Variants in PHKB observed in about 807,000 individuals in gnomAD.
PHKB encodes the protein phosphorylase b kinase regulatory subunit beta.
A neutral mutation model predicts 152.1 loss-of-function variants in PHKB; 122 were observed. The observed-to-expected ratio is 0.80, with a 90% CI of 0.69 to 0.93. PHKB has a LOEUF of 0.93. Among genes scored for constraint, PHKB ranks in the 40% least tolerant of loss-of-function variants. PHKB has a pLI of 0.00. For synonymous variants in PHKB, 436 were observed against 464.9 expected (o/e 0.94, Z 0.80); for missense variants, 1,304 against 1,328.4 (o/e 0.98, Z 0.29).
At chr16:47,581,433 G>T (rs1276939954) in intron 8 of PHKB, among the ~76,000 whole-genome samples, 1 of 152,092 alleles carries the variant, frequency 6.6e-6, no homozygotes, top group African/African-American at 2.4e-5. Flanking sequence ...AGGAGTAGGA[G>T]GATAAAATGA....
At chr16:47,675,257 T>G (rs1415002479) in intron 26 of PHKB, among the ~76,000 whole-genome samples, 1 of 152,134 alleles carries the variant, frequency 6.6e-6, no homozygotes, top group African/African-American at 2.4e-5. Flanking sequence ...GTTACCCTGG[T>G]CAGTAACAGC....
intron 4 of PHKB, chr16:47,505,366 A>T (rs985193286): frequency 6.6e-6 from 1 of 151,960 alleles, no homozygotes; most frequent in Admixed American, 6.6e-5. Flanking sequence ...ATACAGGAGG[A>T]GGGCGGCCAC....
At chr16:47,476,192 G>A (rs998850313) in intron 1 of PHKB, among the ~76,000 whole-genome samples, 10 of 152,146 alleles carry the variant, frequency 6.6e-5, no homozygotes, top group Non-Finnish European at 1.5e-4. Flanking sequence ...ACTTTCATTT[G>A]TGTTAAGCAG....
Position 47,565,596 on chromosome 16 carries a change from C to T in PHKB, c.711-14699C>T. 2.8e-6 allele frequency: 3 copies of T among 1,060,314 alleles called. No individual in the cohort carries two copies. In the South Asian group the frequency reaches 3.8e-5, roughly 13 times the overall value. The allele number at this position is 1,060,314 out of a possible 1,614,324, so 65.7% of individuals were successfully genotyped here. On this transcript the variant is annotated intron_variant, in intron 7 of 30. Transcript: ENST00000323584. ...CATTTTCTAAAGACTTCTCACTCTC[C>T]CTCGTGCATTTCTGCCGGATGTGGC... is the stretch of plus-strand genomic sequence containing the variant.
Position 47,461,416 on chromosome 16 carries a change from C to T in PHKB, c.66C>T (p.Thr22=), listed in dbSNP as rs758538245. The T allele has an allele frequency of 6.2e-7, 1 of 1,613,302 alleles. No individual in the cohort carries two copies. Among genetic ancestry groups the T allele is most frequent in the Non-Finnish European group, 8.5e-7 (1 of 1,179,788 alleles). Residue 22 remains threonine, a synonymous_variant, in exon 1 of 31, where the codon ACC becomes ACT. Transcript: ENST00000323584. ...SWKVLERRAR[T]KRSGSVYEPL... is the part of the protein sequence containing the mutation. ...AGGTCTTGGAGCGAAGAGCTCGGAC[C>T]AAGCGCTCAGGTTTGGCTGGCTGGG... is the stretch of plus-strand genomic sequence containing the variant.
chr16:47,641,564 C>A, intron 15 of PHKB, 35 bp from the exon 16 acceptor site: 1 of 1,079,408 alleles, frequency 9.3e-7, no homozygotes, highest in Non-Finnish European at 1.4e-6. Context: ...AATGCATTGT[C>A]TTAAAACGTC....
In PHKB at chr16:47,467,692, TG is replaced by T. The variant is rs1391602107; in HGVS notation, c.76+6267del. The stretch of plus-strand genomic sequence containing the variant: ...ATGAAGCTTATTGACCCTCAGGCTG[TG>T]TCATTATGCTCAGCAAAAATGATGC... On this transcript the variant is annotated intron_variant, in intron 1 of 30. Transcript: ENST00000323584. Among the ~76,000 whole-genome samples, 3 of 152,202 alleles carry T rather than the reference TG, an allele frequency of 2.0e-5. 1 individual carries two copies. Among genetic ancestry groups the T allele is most frequent in the African/African-American group, 7.2e-5 (3 of 41,454 alleles).
At chr16:47,615,717 A>G (rs1285192793) in intron 14 of PHKB, among the ~76,000 whole-genome samples, 1 of 152,170 alleles carries the variant, frequency 6.6e-6, no homozygotes, top group African/African-American at 2.4e-5. Context: ...GAATCCTTTA[A>G]TAGTTATCTG....
Position 47,471,913 on chromosome 16 carries a change from G to A in PHKB, c.76+10487G>A, listed in dbSNP as rs150942503. 5.5e-4 allele frequency among the ~76,000 whole-genome samples: 83 copies of A among 152,196 alleles called. 1 individual carries two copies. Among genetic ancestry groups the A allele is most frequent in the Non-Finnish European group, 9.9e-4 (67 of 68,010 alleles). On this transcript the variant is annotated intron_variant, in intron 1 of 30. Coordinates refer to ENST00000323584, the MANE Select transcript of PHKB (RefSeq NM_000293.3). ...TACTAAAAATACAAAGAAATTAGCC[G>A]GGTATGGTGGCGGGCGCCTGTAGTC... is the stretch of plus-strand genomic sequence containing the variant.
At chr16:47,600,889 G>T (rs1224023702) in intron 13 of PHKB, among the ~76,000 whole-genome samples, 1 of 152,218 alleles carries the variant, frequency 6.6e-6, no homozygotes, top group African/African-American at 2.4e-5. Context: ...TCACGCCTGT[G>T]TCCCAGCATT....
Position 47,646,443 on chromosome 16 carries a change from G to T in PHKB, c.1609-2090G>T, listed in dbSNP as rs200408050. Among the ~76,000 whole-genome samples, 268 of 124,532 alleles carry T rather than the reference G, an allele frequency of 2.2e-3. 8 individuals are homozygous for T. The East Asian group carries it at 0.053, about 25-fold the overall frequency. 81.7% of individuals were successfully genotyped at this position (124,532 alleles called of 152,430 possible). On this transcript the variant is annotated intron_variant, in intron 16 of 30. Transcript: ENST00000323584. ...ATACCTAATGCTAGATGACACGTTA[G>T]TGGGTGCAGCGCACCAGCATGGCAC...
intron 25 of PHKB, chr16:47,665,800 C>T (rs1973527176): frequency 1.4e-6 from 1 of 722,296 alleles, no homozygotes; most frequent in South Asian, 1.5e-5. Context: ...CTGTTAGGTT[C>T]AATGTCCTGG....
At chr16:47,620,093 CT>C (rs1972590985) in intron 14 of PHKB, among the ~76,000 whole-genome samples, 4 of 152,228 alleles carry the variant, frequency 2.6e-5, no homozygotes, top group Admixed American at 2.6e-4. Context: ...CCAGGAATTG[CT>C]TTTTTCTCCC....
At chr16:47,533,424 C>G (rs1051639695) in intron 6 of PHKB, among the ~76,000 whole-genome samples, 1 of 152,184 alleles carries the variant, frequency 6.6e-6, no homozygotes, top group Non-Finnish European at 1.5e-5. Context: ...AGGAACCTGT[C>G]TGCCTCCTGC....
intron 10 of PHKB, among the ~76,000 whole-genome samples, chr16:47,591,535 CACTT>C (rs1229137193): frequency 6.6e-6 from 1 of 152,154 alleles, no homozygotes; most frequent in Non-Finnish European, 1.5e-5. Flanking sequence ...CCACTTCTCT[CACTT>C]ACTTCTTAGT....
intron 16 of PHKB, among the ~76,000 whole-genome samples, chr16:47,645,207 CT>C: frequency 6.7e-6 from 1 of 148,708 alleles, no homozygotes; most frequent in East Asian, 2.0e-4. Flanking sequence ...TGCAGAAGCT[CT>C]TTAGTTTAAT....
intron 6 of PHKB, among the ~76,000 whole-genome samples, chr16:47,525,488 A>G (rs1403942117): frequency 1.3e-5 from 2 of 152,194 alleles, no homozygotes; most frequent in African/African-American, 2.4e-5. Flanking sequence ...GTCAATCTGA[A>G]TTGAACAAAA....
At chr16:47,685,412 G>T (rs1049952835) in intron 26 of PHKB, among the ~76,000 whole-genome samples, 2 of 151,966 alleles carry the variant, frequency 1.3e-5, no homozygotes, top group South Asian at 4.1e-4. Flanking sequence ...GTGACAGGGC[G>T]AGACTCCTCC....
intron 18 of PHKB, among the ~76,000 whole-genome samples, chr16:47,649,871 G>A (rs887096062): frequency 1.3e-5 from 2 of 150,664 alleles, no homozygotes; most frequent in African/African-American, 4.9e-5. Flanking sequence ...GTAAGTTTTT[G>A]ATGTGATGAT....
Sources: allele counts gnomAD v4.1 joint callset (sites outside exome capture counted in the v4.1 genomes callset), GRCh38; gene constraint gnomAD v4.1.1; transcripts MANE v1.5; gene names NCBI Gene and HGNC (gene_info 2026-07-23, HGNC 2026-07-21).